The following RAPGEF6 variants were observed in gnomAD, a reference collection of about 807,000 sequenced individuals.
The protein encoded by RAPGEF6 is Rap guanine nucleotide exchange factor 6.
Under a neutral mutation model 171.4 loss-of-function variants are expected in RAPGEF6, and 56 were observed. That is an observed-to-expected ratio of 0.33 (90% CI 0.26 to 0.41). RAPGEF6 has a LOEUF of 0.41. Among genes scored for constraint, RAPGEF6 ranks in the 10% least tolerant of loss-of-function variants. The probability of loss-of-function intolerance (pLI) is 1.00; values close to 1 mark genes in which losing one functional copy is unlikely to be tolerated. For missense variants in RAPGEF6, 1,674 were observed against 1,921.4 expected (o/e 0.87, Z 2.41); for synonymous variants, 692 against 650.1 (o/e 1.06, Z -0.98).
intron 11 of RAPGEF6, among the ~76,000 whole-genome samples, chr5:131,503,146 G>T (rs145242017): frequency 1.2e-3 from 180 of 152,240 alleles, no homozygotes; most frequent in African/African-American, 4.3e-3. Flanking sequence ...TAACTTGAAG[G>T]ATTCTATGGT....
At chr5:131,467,760 G>A (rs770261421) in intron 17 of RAPGEF6, among the ~76,000 whole-genome samples, 8 of 152,192 alleles carry the variant, frequency 5.3e-5, no homozygotes, top group Non-Finnish European at 8.8e-5. Flanking sequence ...AGCCAGGGGC[G>A]GTAGTTCATG....
intron 4 of RAPGEF6, among the ~76,000 whole-genome samples, chr5:131,580,594 C>G (rs1762898950): frequency 6.6e-6 from 1 of 152,208 alleles, no homozygotes; most frequent in South Asian, 2.1e-4. Context: ...CGGTGAATAG[C>G]AGTGAAAGGT....
intron 6 of RAPGEF6, among the ~76,000 whole-genome samples, chr5:131,536,644 C>T (rs971850506): frequency 3.3e-5 from 5 of 152,136 alleles, no homozygotes; most frequent in African/African-American, 1.2e-4. Flanking sequence ...AAACCGTCAT[C>T]ATCAACCAAG....
At position 131,425,957 on chromosome 5, in the gene RAPGEF6, A is replaced by C. The variant is rs1751377928; in HGVS notation, c.*1309T>G. On this transcript the variant is annotated 3_prime_UTR_variant, in exon 28 of 28. Transcript: ENST00000509018. ...TTTCACTTGCTTTTACATTAAAAAA[A>C]CTGAAAAAATTAAACTTAATATATA... is the stretch of plus-strand genomic sequence containing the variant. The C allele has an allele frequency of 6.7e-6, 1 of 149,900 alleles. No individual in the cohort carries two copies. Among genetic ancestry groups the C allele is most frequent in the East Asian group, 1.9e-4 (1 of 5,180 alleles). The allele number at this position is 149,900 out of a possible 1,614,324, so 9.3% of individuals were successfully genotyped here.
chr5:131,562,770 A>G (rs1761684631), intron 4 of RAPGEF6, among the ~76,000 whole-genome samples: 1 of 152,206 alleles, frequency 6.6e-6, no homozygotes, highest in Non-Finnish European at 1.5e-5. Flanking sequence ...TAGAGATGCA[A>G]CCATCCATTT....
chr5:131,538,279 T>C (rs1018290713), intron 6 of RAPGEF6, among the ~76,000 whole-genome samples: 1 of 152,148 alleles, frequency 6.6e-6, no homozygotes, highest in African/African-American at 2.4e-5. Context: ...CATTAGGCAA[T>C]TTCATCCTTG....
At chr5:131,627,158 T>C (rs979036253) in intron 1 of RAPGEF6, among the ~76,000 whole-genome samples, 1 of 152,204 alleles carries the variant, frequency 6.6e-6, no homozygotes, top group African/African-American at 2.4e-5. Flanking sequence ...AGACAGCAAC[T>C]CGGCCAGCTG....
At chr5:131,453,949 G>A (rs574580504) in intron 20 of RAPGEF6, among the ~76,000 whole-genome samples, 1 of 152,322 alleles carries the variant, frequency 6.6e-6, no homozygotes, top group South Asian at 2.1e-4. Flanking sequence ...AGAAGAGGCA[G>A]TAAGACTACA....
At chr5:131,445,107 A>G (rs750583157) in intron 22 of RAPGEF6, among the ~76,000 whole-genome samples, 3 of 152,230 alleles carry the variant, frequency 2.0e-5, no homozygotes, top group African/African-American at 7.2e-5. Context: ...AACAGGGACT[A>G]AAGATGAAGA....
rs564165455 is a variant in RAPGEF6 at position 131,482,916 on chromosome 5, T to A, written c.1841-3163A>T. Among the ~76,000 whole-genome samples, 3 of 152,316 alleles carry A rather than the reference T, an allele frequency of 2.0e-5. No individual in the cohort carries two copies. In the East Asian group the frequency reaches 5.8e-4, roughly 29 times the overall value. On this transcript the variant is annotated intron_variant, in intron 15 of 27. Transcript: ENST00000509018. ...GAAGGAAAGTTCAAGAAAATTAAAA[T>A]GACTAGAGAACAAGCTAGAGATGAG...
intron 1 of RAPGEF6, among the ~76,000 whole-genome samples, chr5:131,630,789 C>T (rs761470192): frequency 6.6e-6 from 1 of 152,170 alleles, no homozygotes; most frequent in Non-Finnish European, 1.5e-5. Flanking sequence ...CCCAGAAACA[C>T]AAGGAGTTCT....
intron 19 of RAPGEF6, among the ~76,000 whole-genome samples, chr5:131,456,416 C>A (rs1348256189): frequency 6.6e-6 from 1 of 152,164 alleles, no homozygotes. Context: ...TAAATAATAA[C>A]TGGAGCTAAT....
At position 131,620,747 on chromosome 5, in the gene RAPGEF6, T is replaced by G. The variant is rs181159595; in HGVS notation, c.69+14215A>C. 1.6e-3 allele frequency among the ~76,000 whole-genome samples: 246 copies of G among 152,206 alleles called. 1 individual carries two copies. The highest frequency in any genetic ancestry group is 3.4e-3 in the Middle Eastern group (1 of 294). ...CTGGGACTAAAGGCACGCATCACCA[T>G]GCCCAGCAAATTTTTTGTATTTTTA... On this transcript the variant is annotated intron_variant, in intron 1 of 27. Coordinates refer to ENST00000509018, the MANE Select transcript of RAPGEF6 (RefSeq NM_016340.6).
chr5:131,526,493 T>C (rs1758876846), intron 6 of RAPGEF6, among the ~76,000 whole-genome samples: 1 of 152,204 alleles, frequency 6.6e-6, no homozygotes, highest in Non-Finnish European at 1.5e-5. Context: ...TCCGTTACTC[T>C]TTCCTACTAA....
At chr5:131,528,253 A>G (rs1405723727) in intron 6 of RAPGEF6, among the ~76,000 whole-genome samples, 22 of 130,198 alleles carry the variant, frequency 1.7e-4, no homozygotes, top group Non-Finnish European at 2.7e-4. Flanking sequence ...ATATATAAAT[A>G]AAATAAAATA....
At chr5:131,524,231 T>C (rs545451949) in intron 6 of RAPGEF6, among the ~76,000 whole-genome samples, 1 of 152,224 alleles carries the variant, frequency 6.6e-6, no homozygotes, top group African/African-American at 2.4e-5. Flanking sequence ...TAAATCTACA[T>C]GAATGCTTAC....
intron 4 of RAPGEF6, among the ~76,000 whole-genome samples, chr5:131,579,901 C>G (rs571957607): frequency 6.6e-6 from 1 of 152,234 alleles, no homozygotes; most frequent in Non-Finnish European, 1.5e-5. Context: ...CTGATTGGTA[C>G]ATTTACAATC....
chr5:131,445,881 A>G (rs914642708), intron 22 of RAPGEF6, among the ~76,000 whole-genome samples: 2 of 152,080 alleles, frequency 1.3e-5, no homozygotes, highest in Non-Finnish European at 2.9e-5. Flanking sequence ...TTATAACAGT[A>G]TATATTTCAT....
chr5:131,489,536 C>T lies in RAPGEF6; in HGVS notation c.1840+10G>A, dbSNP rs750698796. ...GAAAGAGTTCAGGCAATTTTTACAACAAAACTCACCAAAAATGTTGGTCTT... is the reference window on the plus strand; with the variant it reads ...GAAAGAGTTCAGGCAATTTTTACAATAAAACTCACCAAAAATGTTGGTCTT... On this transcript the variant is annotated intron_variant, in intron 15 of 27. Coordinates refer to ENST00000509018, the MANE Select transcript of RAPGEF6 (RefSeq NM_016340.6). The T allele has an allele frequency of 3.9e-6, 6 of 1,522,216 alleles. No individual in the cohort carries two copies. Among genetic ancestry groups the T allele is most frequent in the Admixed American group, 2.0e-5 (1 of 50,396 alleles). 94.3% of individuals were successfully genotyped at this position (1,522,216 alleles called of 1,614,324 possible).
Sources: allele counts gnomAD v4.1 joint callset (sites outside exome capture counted in the v4.1 genomes callset), GRCh38; gene constraint gnomAD v4.1.1; transcripts MANE v1.5; gene names NCBI Gene and HGNC (gene_info 2026-07-23, HGNC 2026-07-21).